CCSER1: variants seen among roughly 807,000 people sequenced by gnomAD.
CCSER1 encodes coiled-coil serine rich protein 1, also known as serine-rich coiled-coil domain-containing protein 1.
CCSER1 carries 41 observed loss-of-function variants against 82.0 expected under a neutral mutation model. That is an observed-to-expected ratio of 0.50 (90% CI 0.39 to 0.65). The LOEUF is 0.65. Ranked by LOEUF, CCSER1 falls within the 30% of genes least tolerant of loss-of-function variation. The pLI, the probability that CCSER1 is intolerant of heterozygous loss-of-function variation, is 0.00. For missense variants in CCSER1, 1,119 were observed against 1,064.2 expected, an observed-to-expected ratio of 1.05 and a Z score of -0.72; for synonymous variants, 414 against 383.9, an observed-to-expected ratio of 1.08 and a Z score of -0.92.
At chr4:91,476,587 G>A (rs1377156726) in intron 10 of CCSER1, among the ~76,000 whole-genome samples, 1 of 151,490 alleles carries the variant, frequency 6.6e-6, no homozygotes, top group Non-Finnish European at 1.5e-5. Flanking sequence ...ACCTCAAATA[G>A]CCAAAGCAAT....
intron 9 of CCSER1, among the ~76,000 whole-genome samples, chr4:91,003,762 TA>T (rs907166201): frequency 4.6e-5 from 7 of 151,888 alleles, no homozygotes; most frequent in African/African-American, 1.2e-4. Context: ...TTGAAATTGT[TA>T]AAAAAAAGTT....
chr4:90,940,156 A>T (rs1731421507), intron 9 of CCSER1, among the ~76,000 whole-genome samples: 1 of 152,250 alleles, frequency 6.6e-6, no homozygotes, highest in East Asian at 1.9e-4. Context: ...AGAAAGGTAC[A>T]TTTTTTCCTC....
At chr4:90,532,801 C>T (rs557909563) in intron 5 of CCSER1, among the ~76,000 whole-genome samples, 93 of 152,226 alleles carry the variant, frequency 6.1e-4, no homozygotes, top group African/African-American at 2.1e-3. Flanking sequence ...TAGACCGTCC[C>T]ACTATGTACA....
intron 1 of CCSER1, among the ~76,000 whole-genome samples, chr4:90,189,333 A>G (rs1464516195): frequency 1.3e-5 from 2 of 151,912 alleles, no homozygotes; most frequent in East Asian, 3.9e-4. Context: ...AGTTCTAAAT[A>G]TAGAATAGAT....
chr4:91,279,286 T>C (rs1163951109), intron 10 of CCSER1, among the ~76,000 whole-genome samples: 1 of 152,148 alleles, frequency 6.6e-6, no homozygotes, highest in African/African-American at 2.4e-5. Flanking sequence ...CTCAATCTCT[T>C]GCTAGAGTTG....
intron 5 of CCSER1, among the ~76,000 whole-genome samples, chr4:90,499,058 C>T (rs962636339): frequency 2.6e-5 from 4 of 151,368 alleles, no homozygotes; most frequent in African/African-American, 9.7e-5. Flanking sequence ...ATAAATAAGC[C>T]CTATGTTTCT....
chr4:90,391,468 A>G (rs1751072599), intron 3 of CCSER1, among the ~76,000 whole-genome samples: 1 of 93,756 alleles, frequency 1.1e-5, no homozygotes, highest in South Asian at 3.0e-4. Context: ...ATATATATAT[A>G]TATATATATA....
chr4:91,295,626 T>C (rs1287932261), intron 10 of CCSER1, among the ~76,000 whole-genome samples: 1 of 150,960 alleles, frequency 6.6e-6, no homozygotes, highest in East Asian at 1.9e-4. Context: ...CTGAGAGTTA[T>C]AAAGATGTAT....
At chr4:91,104,712 C>T (rs1274184213) in intron 10 of CCSER1, among the ~76,000 whole-genome samples, 1 of 152,152 alleles carries the variant, frequency 6.6e-6, no homozygotes, top group Non-Finnish European at 1.5e-5. Context: ...ATCTTTTATG[C>T]CAGCTCAAAA....
intron 10 of CCSER1, among the ~76,000 whole-genome samples, chr4:91,087,078 A>C (rs961008067): frequency 2.6e-5 from 4 of 152,120 alleles, no homozygotes; most frequent in African/African-American, 9.7e-5. Context: ...AGAACCTTTT[A>C]CAGCTTTGTG....
intron 6 of CCSER1, among the ~76,000 whole-genome samples, chr4:90,669,654 T>G (rs1732436029): frequency 6.6e-6 from 1 of 152,040 alleles, no homozygotes; most frequent in Non-Finnish European, 1.5e-5. Flanking sequence ...TTGATAAGTT[T>G]TAGGAGTCGT....
At chr4:91,241,483 G>A (rs1255264332) in intron 10 of CCSER1, among the ~76,000 whole-genome samples, 1 of 147,812 alleles carries the variant, frequency 6.8e-6, no homozygotes, top group Non-Finnish European at 1.5e-5. Flanking sequence ...CAGCCACCAC[G>A]CCCGGCTAAT....
In CCSER1 at chr4:90,849,807, A is replaced by G. The variant is rs900395404; in HGVS notation, c.2094+33962A>G. 7.3e-5 allele frequency among the ~76,000 whole-genome samples: 11 copies of G among 151,518 alleles called. No homozygotes were observed. In the South Asian group the frequency reaches 8.3e-4, roughly 11 times the overall value. Reference sequence around the variant, plus strand: ...CCATCTCATAAAAAAAAAAAAAAAAAAAAAGAAAACCCATTTTCTGAGGAG... The same window carrying G: ...CCATCTCATAAAAAAAAAAAAAAAAGAAAAGAAAACCCATTTTCTGAGGAG... On this transcript the variant is annotated intron_variant, in intron 8 of 10. Coordinates refer to ENST00000509176, the MANE Select transcript of CCSER1 (RefSeq NM_001145065.2).
At chr4:91,468,228 C>T (rs1168358013) in intron 10 of CCSER1, among the ~76,000 whole-genome samples, 1 of 152,134 alleles carries the variant, frequency 6.6e-6, no homozygotes, top group Non-Finnish European at 1.5e-5. Flanking sequence ...TGGAAACCAT[C>T]ATTCTTGGCA....
intron 10 of CCSER1, among the ~76,000 whole-genome samples, chr4:91,466,858 C>G (rs1034347289): frequency 1.3e-5 from 2 of 152,040 alleles, no homozygotes; most frequent in Non-Finnish European, 2.9e-5. Flanking sequence ...TAAAAGAGGA[C>G]ACAAACAAAT....
chr4:90,210,446 TTTTC>T lies in CCSER1; in HGVS notation c.-42+82619_-42+82622del, dbSNP rs1279395883. Among the ~76,000 whole-genome samples, 960 of 103,122 alleles carry T rather than the reference TTTTC, an allele frequency of 9.3e-3. 10 individuals carry two copies. The highest frequency in any genetic ancestry group is 0.041 in the African/African-American group (917 of 22,550). The allele number at this position is 103,122 out of a possible 152,430, so 67.7% of individuals were successfully genotyped here. On this transcript the variant is annotated intron_variant, in intron 1 of 10. Coordinates refer to ENST00000509176, the MANE Select transcript of CCSER1 (RefSeq NM_001145065.2). ...CTATCATTTCTTTTCTTTTCTTTTC[TTTTC>T]TTTTTTTTTTTTGGACAGGATTTCA... is the stretch of plus-strand genomic sequence containing the variant.
intron 10 of CCSER1, among the ~76,000 whole-genome samples, chr4:91,253,529 A>G (rs922473117): frequency 2.8e-4 from 43 of 152,180 alleles, no homozygotes; most frequent in African/African-American, 1.0e-3. Context: ...ATAGATACTT[A>G]TGAAAGTCAA....
chr4:90,483,418 A>C (rs980916860), intron 5 of CCSER1, among the ~76,000 whole-genome samples: 1 of 152,140 alleles, frequency 6.6e-6, no homozygotes, highest in Non-Finnish European at 1.5e-5. Context: ...TGTCATTATG[A>C]TGTTACCTGA....
intron 8 of CCSER1, among the ~76,000 whole-genome samples, chr4:90,862,657 G>A (rs1765240429): frequency 1.3e-5 from 2 of 151,962 alleles, no homozygotes; most frequent in South Asian, 4.1e-4. Flanking sequence ...ATGTAACAGA[G>A]GACACAAAAG....
Sources: allele counts gnomAD v4.1 joint callset (sites outside exome capture counted in the v4.1 genomes callset), GRCh38; gene constraint gnomAD v4.1.1; transcripts MANE v1.5; gene names NCBI Gene and HGNC (gene_info 2026-07-23, HGNC 2026-07-21).